NELL2: variants seen among roughly 807,000 people sequenced by gnomAD.
NELL2 encodes protein kinase C-binding protein NELL2.
Under a neutral mutation model 109.6 loss-of-function variants are expected in NELL2, and 41 were observed. That is an observed-to-expected ratio of 0.37 (90% confidence interval 0.29 to 0.49). The LOEUF (loss-of-function observed/expected upper bound fraction) is 0.49, where lower values mean the gene tolerates loss of function less well. Ranked by LOEUF, NELL2 falls within the 20% of genes least tolerant of loss-of-function variation. NELL2 has a pLI of 0.98. For missense variants in NELL2, 900 were observed against 1,008.3 expected (o/e 0.89, Z 1.45); for synonymous variants, 355 against 344.7 (o/e 1.03, Z -0.33).
At chr12:44,789,822 C>A (rs561300070) in intron 3 of NELL2, among the ~76,000 whole-genome samples, 20 of 152,042 alleles carry the variant, frequency 1.3e-4, no homozygotes, top group Non-Finnish European at 2.5e-4. Context: ...TATAGAAATG[C>A]AAAGTGCTTT....
At chr12:44,908,855 A>T (rs1378441673) in intron 1 of NELL2, among the ~76,000 whole-genome samples, 1 of 152,034 alleles carries the variant, frequency 6.6e-6, no homozygotes, top group East Asian at 1.9e-4. Context: ...TTAATATTAA[A>T]AGGGAATCTC....
chr12:44,699,243 A>G (rs1030140855), intron 12 of NELL2, among the ~76,000 whole-genome samples: 1 of 152,158 alleles, frequency 6.6e-6, no homozygotes, highest in African/African-American at 2.4e-5. Context: ...ATGGATGGCG[A>G]TGAATATATA....
intron 13 of NELL2, among the ~76,000 whole-genome samples, chr12:44,654,986 A>G (rs906415646): frequency 1.3e-5 from 2 of 152,180 alleles, no homozygotes; most frequent in African/African-American, 4.8e-5. Context: ...CTTCAAATTC[A>G]GCAATCCTCT....
chr12:44,857,248 G>A (rs1476566624), intron 2 of NELL2, among the ~76,000 whole-genome samples: 1 of 152,122 alleles, frequency 6.6e-6, no homozygotes, highest in Non-Finnish European at 1.5e-5. Context: ...TGGAAATGGT[G>A]TTTTCCCTAG....
intron 1 of NELL2, among the ~76,000 whole-genome samples, chr12:44,892,767 CA>C (rs1437994833): frequency 1.5e-5 from 2 of 130,886 alleles, no homozygotes; most frequent in African/African-American, 5.9e-5. Context: ...CACTGCACTC[CA>C]GGCTGGGCGA....
chr12:44,867,761 A>T (rs1272558342), intron 2 of NELL2, among the ~76,000 whole-genome samples: 1 of 152,184 alleles, frequency 6.6e-6, no homozygotes, highest in Non-Finnish European at 1.5e-5. Flanking sequence ...CAGAACTAAT[A>T]AATGATTTCA....
At chr12:44,893,153 G>T (rs533928292) in intron 1 of NELL2, among the ~76,000 whole-genome samples, 12 of 152,220 alleles carry the variant, frequency 7.9e-5, no homozygotes, top group African/African-American at 2.9e-4. Context: ...TCCCTGTGAA[G>T]CCCCTAGAGA....
intron 9 of NELL2, among the ~76,000 whole-genome samples, chr12:44,766,869 T>C (rs550667060): frequency 1.3e-5 from 2 of 152,344 alleles, no homozygotes; most frequent in African/African-American, 4.8e-5. Context: ...AATGCCATTA[T>C]ATGTGCAGAG....
chr12:44,612,108 A>G (rs1483402143), intron 13 of NELL2, among the ~76,000 whole-genome samples: 1 of 152,068 alleles, frequency 6.6e-6, no homozygotes, highest in Non-Finnish European at 1.5e-5. Flanking sequence ...CAGACATTAT[A>G]ATGGTAATAT....
chr12:44,910,154 A>G (rs1216314709), intron 1 of NELL2, among the ~76,000 whole-genome samples: 1 of 151,808 alleles, frequency 6.6e-6, no homozygotes, highest in Admixed American at 6.6e-5. Context: ...AAGATCTTCT[A>G]CCCAGCAAAA....
intron 15 of NELL2, among the ~76,000 whole-genome samples, chr12:44,546,576 T>C (rs1565904095): frequency 6.6e-6 from 1 of 152,222 alleles, no homozygotes; most frequent in Non-Finnish European, 1.5e-5. Context: ...AGGTTTGCTA[T>C]TTGATGGTGC....
In NELL2 at chr12:44,644,594, A is replaced by ATATGTATGTATG. The variant is rs1555190828; in HGVS notation, c.1444+20889_1444+20890insCATACATACATA. Among the ~76,000 whole-genome samples, 3 of 92,490 alleles carry ATATGTATGTATG rather than the reference A, an allele frequency of 3.2e-5. No homozygotes were observed. In the South Asian group the frequency reaches 1.0e-3, roughly 31 times the overall value. The allele number at this position is 92,490 out of a possible 152,430, so 60.7% of individuals were successfully genotyped here. ...GACAAAGTAAAGTATATATATATAT[A>ATATGTATGTATG]TATATATATGTATGTATATATATAT... On this transcript the variant is annotated intron_variant, in intron 13 of 19. Coordinates refer to ENST00000429094, the MANE Select transcript of NELL2 (RefSeq NM_001145108.2).
At chr12:44,895,824 C>T (rs948212517) in intron 1 of NELL2, among the ~76,000 whole-genome samples, 16 of 152,106 alleles carry the variant, frequency 1.1e-4, no homozygotes, top group African/African-American at 3.9e-4. Context: ...TCTTTAGTGA[C>T]ATTATATCAA....
chr12:44,920,919 C>T (rs771710839), intron 1 of NELL2, among the ~76,000 whole-genome samples: 24 of 152,174 alleles, frequency 1.6e-4, no homozygotes, highest in Admixed American at 4.6e-4. Flanking sequence ...GAATACCTCC[C>T]TCATTTATTG....
intron 19 of NELL2, among the ~76,000 whole-genome samples, chr12:44,512,827 G>T (rs1218391516): frequency 1.3e-5 from 2 of 152,000 alleles, no homozygotes; most frequent in African/African-American, 4.8e-5. Flanking sequence ...GGGAGAGGAG[G>T]ATAGGAAGAT....
At chr12:44,690,536 G>A (rs1948865887) in intron 12 of NELL2, among the ~76,000 whole-genome samples, 1 of 150,388 alleles carries the variant, frequency 6.6e-6, no homozygotes. Context: ...AAACACTGAG[G>A]TCTTGAAAAA....
In NELL2 at chr12:44,616,484, T is replaced by C. The variant is rs539360764; in HGVS notation, c.1445-5514A>G. ...GACAACCAACCTCTAGTCGTAACTA[T>C]CATTTGATTCCTAGAAACCTGAGAA... On this transcript the variant is annotated intron_variant, in intron 13 of 19. Coordinates refer to ENST00000429094, the MANE Select transcript of NELL2 (RefSeq NM_001145108.2). Among the ~76,000 whole-genome samples, 5 of 152,294 alleles carry C rather than the reference T, an allele frequency of 3.3e-5. No individual in the cohort carries two copies. In the South Asian group the frequency reaches 1.0e-3, roughly 32 times the overall value.
At chr12:44,776,542 C>T (rs1941764880) in intron 7 of NELL2, among the ~76,000 whole-genome samples, 1 of 152,168 alleles carries the variant, frequency 6.6e-6, no homozygotes, top group African/African-American at 2.4e-5. Flanking sequence ...ATACACCATA[C>T]AACACAACCA....
At chr12:44,915,171 A>G (rs1298824642), upstream of NELL2, among the ~76,000 whole-genome samples, 2 of 152,152 alleles carry the variant, frequency 1.3e-5, no homozygotes, top group South Asian at 2.1e-4. Context: ...TTTTAAGAGA[A>G]CTCATTTTTA....
Sources: allele counts gnomAD v4.1 joint callset (sites outside exome capture counted in the v4.1 genomes callset), GRCh38; gene constraint gnomAD v4.1.1; transcripts MANE v1.5; gene names NCBI Gene and HGNC (gene_info 2026-07-23, HGNC 2026-07-21).